FLI1: variants seen among roughly 807,000 people sequenced by gnomAD.
The protein encoded by FLI1 is Fli-1 proto-oncogene, ETS transcription factor, also known as Friend leukemia integration 1 transcription factor.
Under a neutral mutation model 53.1 loss-of-function variants are expected in FLI1, and 13 were observed. That is an observed-to-expected ratio of 0.24 (90% CI 0.16 to 0.39). The LOEUF (loss-of-function observed/expected upper bound fraction) is 0.39, where lower values mean the gene tolerates loss of function less well. FLI1 is among the 10% of genes least tolerant of loss of function. The pLI is 1.00. For synonymous variants in FLI1, 244 were observed against 236.7 expected (o/e 1.03, Z -0.28); for missense variants, 424 against 600.5 (o/e 0.71, Z 3.07).
chr11:128,686,310 G>T (rs764864103), upstream of FLI1: 1 of 456,102 alleles, frequency 2.2e-6, no homozygotes, highest in Non-Finnish European at 4.4e-6. Flanking sequence ...GGCATCCCCA[G>T]TTCGAAACTG....
intron 1 of FLI1, among the ~76,000 whole-genome samples, chr11:128,724,148 T>C (rs1416073316): frequency 1.3e-5 from 2 of 152,080 alleles, no homozygotes; most frequent in African/African-American, 4.8e-5. Flanking sequence ...TTTCACCATG[T>C]TGGGCAGGCT....
chr11:128,769,362 A>T (rs1941468914), intron 3 of FLI1, among the ~76,000 whole-genome samples: 1 of 152,256 alleles, frequency 6.6e-6, no homozygotes, highest in Non-Finnish European at 1.5e-5. Context: ...TTTACCAGAG[A>T]GGCAAAACTC....
intron 1 of FLI1, among the ~76,000 whole-genome samples, chr11:128,744,463 T>C (rs1357097185): frequency 2.0e-5 from 3 of 152,262 alleles, no homozygotes; most frequent in East Asian, 1.9e-4. Flanking sequence ...TACTATGTGA[T>C]AGGCATGAGT....
At chr11:128,785,947 A>C (rs55897941) in intron 5 of FLI1, among the ~76,000 whole-genome samples, 24,979 of 152,244 alleles carry the variant, frequency 0.16, 2,410 homozygotes, top group Middle Eastern at 0.32. Flanking sequence ...TTGTGAATGT[A>C]CTTAATGCCA....
At chr11:128,686,020 A>G (rs1223179097), upstream of FLI1, 2 of 228,072 alleles carry the variant, frequency 8.8e-6, no homozygotes, top group Non-Finnish European at 1.8e-5. Flanking sequence ...CTTCCCAAAA[A>G]CCTATTTTCT....
intron 2 of FLI1, among the ~76,000 whole-genome samples, chr11:128,765,487 G>C (rs978986375): frequency 6.6e-6 from 1 of 152,172 alleles, no homozygotes; most frequent in Non-Finnish European, 1.5e-5. Context: ...GTCCACAAAC[G>C]GGAGGAGCCC....
chr11:128,810,785 T>A lies in FLI1; in HGVS notation c.1156T>A (p.Ser386Thr), dbSNP rs1266178629. The A allele has an allele frequency of 6.2e-7, 1 of 1,613,922 alleles. No homozygotes were observed. Among genetic ancestry groups the A allele is most frequent in the African/African-American group, 1.3e-5 (1 of 74,926 alleles). ...CATGTACAAGTACCCTTCTGACATC[T>A]CCTACATGCCTTCCTACCATGCCCA... Reference protein sequence around the residue: ...SSMYKYPSDISYMPSYHAHQQ... With the variant: ...SSMYKYPSDITYMPSYHAHQQ... Residue 386 changes from serine (S) to threonine (T), a missense_variant, in exon 9 of 9, where the codon TCC (serine) becomes ACC (threonine). Coordinates refer to ENST00000527786, the MANE Select transcript of FLI1 (RefSeq NM_002017.5). This position sits in a 1 kb window ranked among gnomAD's most constrained non-coding sequence, Gnocchi z 6.6.
intron 1 of FLI1, among the ~76,000 whole-genome samples, chr11:128,743,789 G>A (rs999762384): frequency 1.3e-5 from 2 of 152,204 alleles, no homozygotes; most frequent in African/African-American, 4.8e-5. Context: ...TACTGAGCTT[G>A]ACAAAGAAAA....
chr11:128,763,384 T>C (rs1941202612), intron 2 of FLI1, among the ~76,000 whole-genome samples: 1 of 152,218 alleles, frequency 6.6e-6, no homozygotes, highest in Non-Finnish European at 1.5e-5. Context: ...AGGTTCTGTG[T>C]CGCATGTAGA....
intron 1 of FLI1, among the ~76,000 whole-genome samples, chr11:128,735,048 G>A (rs369747692): frequency 9.1e-4 from 138 of 152,316 alleles, no homozygotes; most frequent in African/African-American, 2.9e-3. Flanking sequence ...GACCACGAAC[G>A]TAGTCCTTCA....
At chr11:128,698,740 G>C (rs534283566) in intron 1 of FLI1, among the ~76,000 whole-genome samples, 3 of 151,952 alleles carry the variant, frequency 2.0e-5, no homozygotes, top group Non-Finnish European at 4.4e-5. Context: ...GTGTGAGAGA[G>C]AGAGAGAGAG....
chr11:128,773,007 A>T (rs956075524), intron 4 of FLI1, 22 bp downstream of exon 4: 1 of 1,606,704 alleles, frequency 6.2e-7, no homozygotes, highest in Non-Finnish European at 8.5e-7. Context: ...CCAAGTACCC[A>T]GGGCTGGGAG....
At chr11:128,746,507 C>A (rs1460682616) in intron 1 of FLI1, among the ~76,000 whole-genome samples, 1 of 152,224 alleles carries the variant, frequency 6.6e-6, no homozygotes, top group East Asian at 1.9e-4. Context: ...CCCTTTGTCA[C>A]GCAGAGTCCT....
chr11:128,771,732 C>G (rs1290173765), intron 3 of FLI1, among the ~76,000 whole-genome samples: 1 of 152,180 alleles, frequency 6.6e-6, no homozygotes, highest in Non-Finnish European at 1.5e-5. Flanking sequence ...TCTTCCTTGA[C>G]TCTCCAAATT....
intron 5 of FLI1, among the ~76,000 whole-genome samples, chr11:128,792,468 C>T (rs937102726): frequency 1.3e-5 from 2 of 152,118 alleles, no homozygotes; most frequent in African/African-American, 2.4e-5. Context: ...TGGGATGGGG[C>T]GGTGGTAATG....
At chr11:128,722,170 C>T (rs1039032272) in intron 1 of FLI1, among the ~76,000 whole-genome samples, 5 of 152,282 alleles carry the variant, frequency 3.3e-5, no homozygotes, top group Middle Eastern at 3.4e-3. Flanking sequence ...TACCCCCTGA[C>T]GTGACTTAAC....
intron 2 of FLI1, among the ~76,000 whole-genome samples, chr11:128,760,520 C>CTTTTTTTTTTTTTTTTTTTTTT (rs1179242159): frequency 9.7e-6 from 1 of 103,572 alleles, no homozygotes. Context: ...GTGGAGATTC[C>CTTTTTTTTTTTTTTTTTTTTTT]TTTTTTTTTT....
At chr11:128,776,232 C>G (rs776117945) in intron 4 of FLI1, among the ~76,000 whole-genome samples, 1 of 152,172 alleles carries the variant, frequency 6.6e-6, no homozygotes, top group Non-Finnish European at 1.5e-5. Flanking sequence ...CACACCTGGG[C>G]GTGTCAGCTG....
At chr11:128,764,600 C>T in intron 2 of FLI1, 1 of 1,504,534 alleles carries the variant, frequency 6.6e-7, no homozygotes, top group African/African-American at 1.4e-5. Flanking sequence ...AATGGCAAAA[C>T]CTCGTCCCGC....
Sources: allele counts gnomAD v4.1 joint callset (sites outside exome capture counted in the v4.1 genomes callset), GRCh38; gene constraint gnomAD v4.1.1; non-coding constraint Gnocchi (gnomAD v3.1); transcripts MANE v1.5; gene names NCBI Gene and HGNC (gene_info 2026-07-23, HGNC 2026-07-21).